Variants in EPDR1 observed in about 807,000 individuals in gnomAD.
EPDR1 encodes the protein mammalian ependymin-related protein 1.
EPDR1 carries 27 observed loss-of-function variants against 23.7 expected under a neutral mutation model. The ratio of observed to expected loss-of-function variants is 1.14; its 90% CI spans 0.84 to 1.57. The LOEUF (loss-of-function observed/expected upper bound fraction) is 1.57, where lower values mean the gene tolerates loss of function less well. Ranked by LOEUF, EPDR1 falls within the 40% of genes most tolerant of loss-of-function variation. The probability of loss-of-function intolerance (pLI) is 0.00; values close to 1 mark genes in which losing one functional copy is unlikely to be tolerated. For synonymous variants in EPDR1, 137 were observed against 118.2 expected (o/e 1.16, Z -1.03); for missense variants, 349 against 290.4 (o/e 1.20, Z -1.47).
intron 1 of EPDR1, among the ~76,000 whole-genome samples, chr7:37,944,523 A>T (rs1474421323): frequency 1.3e-5 from 2 of 152,232 alleles, no homozygotes; most frequent in African/African-American, 4.8e-5. Context: ...TAATTTATAA[A>T]GGAAAGAGGC....
intron 1 of EPDR1, among the ~76,000 whole-genome samples, chr7:37,944,105 A>C (rs1014068118): frequency 2.0e-5 from 3 of 152,206 alleles, no homozygotes; most frequent in African/African-American, 7.2e-5. Context: ...AAAATGAAGG[A>C]AAGTTTATTA....
At chr7:37,934,043 C>G (rs1785999041) in intron 1 of EPDR1, among the ~76,000 whole-genome samples, 1 of 146,990 alleles carries the variant, frequency 6.8e-6, no homozygotes, top group African/African-American at 2.5e-5. Flanking sequence ...GTGGCGTGAT[C>G]TCAGCTCACT....
rs1786374473 is a variant in EPDR1, at chr7:37,950,338, C to T, written c.617C>T (p.Pro206Leu). 2 of 1,613,886 alleles carry T rather than the reference C, an allele frequency of 1.2e-6. No individual in the cohort carries two copies. The highest frequency in any genetic ancestry group is 4.5e-5 in the East Asian group (2 of 44,858). The change falls in exon 3 of 3, where the codon CCT becomes CTT. Residue 206 changes from proline (P) to leucine (L), a missense_variant. Physicochemically the swap from Pro to Leu is moderately conservative, Grantham distance 98 (BLOSUM62 -3). Transcript: ENST00000199448. Reference protein sequence around the residue: ...LGIKDPSVFTPPSTCQMAQLE... With the variant: ...LGIKDPSVFTLPSTCQMAQLE... ...ATTAAAGACCCCTCGGTGTTTACCCCTCCAAGCACGTGCCAGATGGCCCAA... is the reference window on the plus strand; with the variant it reads ...ATTAAAGACCCCTCGGTGTTTACCCTTCCAAGCACGTGCCAGATGGCCCAA...
chr7:37,927,849 C>G (rs146636074), intron 1 of EPDR1, among the ~76,000 whole-genome samples: 15 of 152,296 alleles, frequency 9.8e-5, no homozygotes, highest in African/African-American at 3.6e-4. Context: ...ATAGCATATT[C>G]TTTTGTGAGC....
rs923904012 is a variant in EPDR1, at chr7:37,944,687, C to T, written c.270-4153C>T. On this transcript the variant is annotated intron_variant, in intron 1 of 2. Coordinates refer to ENST00000199448, the MANE Select transcript of EPDR1 (RefSeq NM_017549.5). ...CCAGAAGAAAAGCATGGGAAAGAAC[C>T]GTGCCCATTATTCAATTACCTCCCC... 5.9e-5 allele frequency among the ~76,000 whole-genome samples: 9 copies of T among 152,148 alleles called. 1 individual carries two copies. The highest frequency in any genetic ancestry group is 3.3e-4 in the Admixed American group (5 of 15,282).
At chr7:37,922,907 T>C (rs1485699410) in intron 1 of EPDR1, among the ~76,000 whole-genome samples, 1 of 152,080 alleles carries the variant, frequency 6.6e-6, no homozygotes, top group Non-Finnish European at 1.5e-5. Context: ...CTGGAGGAGC[T>C]GAAATGAGAG....
chr7:37,943,693 A>G (rs1786215700), intron 1 of EPDR1, among the ~76,000 whole-genome samples: 1 of 152,266 alleles, frequency 6.6e-6, no homozygotes, highest in African/African-American at 2.4e-5. Flanking sequence ...GATGATGTCT[A>G]CTTTTAAAAA....
At chr7:37,949,172 A>C (rs1786343232) in intron 2 of EPDR1, 124 bp downstream of exon 2, 2 of 832,294 alleles carry the variant, frequency 2.4e-6, no homozygotes, top group South Asian at 3.5e-5. Context: ...TAAAGCCTCC[A>C]CTTAGGTCTG....
Position 37,948,242 on chromosome 7 carries a change from G to A in EPDR1, c.270-598G>A, listed in dbSNP as rs112940823. 3.3e-3 allele frequency among the ~76,000 whole-genome samples: 499 copies of A among 152,160 alleles called. 1 individual carries two copies. Among genetic ancestry groups the A allele is most frequent in the African/African-American group, 0.011 (474 of 41,496 alleles). On this transcript the variant is annotated intron_variant, in intron 1 of 2. Transcript: ENST00000199448. ...AAGTTCACAAACCAGCTCTTCAGCC[G>A]GAGCCATATCTTCCCCATGTTTGTA...
intron 1 of EPDR1, among the ~76,000 whole-genome samples, chr7:37,924,980 G>A (rs1275226699): frequency 6.6e-6 from 1 of 152,144 alleles, no homozygotes; most frequent in Non-Finnish European, 1.5e-5. Context: ...TAGTTACTGT[G>A]GAATGACTAG....
chr7:37,928,800 C>T (rs1376263), intron 1 of EPDR1, among the ~76,000 whole-genome samples: 39,518 of 151,962 alleles, frequency 0.26, 6,251 homozygotes, highest in Non-Finnish European at 0.36. Context: ...CCTACCTATA[C>T]CCTAATTTTG....
intron 2 of EPDR1, 72 bp from the exon 3 acceptor site, chr7:37,950,128 A>G: frequency 1.7e-6 from 2 of 1,148,140 alleles, no homozygotes; most frequent in Admixed American, 2.4e-5. Flanking sequence ...TGTACATTTT[A>G]CCACCATAAG....
intron 2 of EPDR1, among the ~76,000 whole-genome samples, chr7:37,949,900 G>T (rs1220031665): frequency 6.6e-6 from 1 of 152,196 alleles, no homozygotes; most frequent in Non-Finnish European, 1.5e-5. Flanking sequence ...CTTACATGAG[G>T]TATGTAGAGT....
intron 1 of EPDR1, among the ~76,000 whole-genome samples, chr7:37,931,387 G>A (rs183566815): frequency 9.3e-4 from 142 of 152,134 alleles, no homozygotes; most frequent in African/African-American, 2.7e-3. Context: ...GGTGGCATGC[G>A]CCTGTAATCC....
rs920986666 is a variant in EPDR1, at chr7:37,949,055, G to C, written c.478+7G>C. ...AGAAAGTCAGCTAGATCCTGTAAGGGTTCAAAGAATCTAAGCATTGTATTC... is the reference window on the plus strand; with the variant it reads ...AGAAAGTCAGCTAGATCCTGTAAGGCTTCAAAGAATCTAAGCATTGTATTC... On this transcript the variant is annotated splice_region_variant and intron_variant, in intron 2 of 2. Coordinates refer to ENST00000199448, the MANE Select transcript of EPDR1 (RefSeq NM_017549.5). 1.9e-6 allele frequency: 3 copies of C among 1,613,286 alleles called. No individual in the cohort carries two copies. The highest frequency in any genetic ancestry group is 3.3e-5 in the Admixed American group (2 of 60,002).
intron 1 of EPDR1, among the ~76,000 whole-genome samples, chr7:37,927,434 C>T (rs561208045): frequency 6.6e-6 from 1 of 152,220 alleles, no homozygotes; most frequent in Admixed American, 6.5e-5. Flanking sequence ...AACTGGCTTA[C>T]TATTCAATTG....
At chr7:37,950,135 T>C in intron 2 of EPDR1, 65 bp from the exon 3 acceptor site, 1 of 1,237,820 alleles carries the variant, frequency 8.1e-7, no homozygotes, top group Non-Finnish European at 1.1e-6. Flanking sequence ...TTTACCACCA[T>C]AAGAAAAAAT....
At chr7:37,927,341 T>A (rs1018597020) in intron 1 of EPDR1, among the ~76,000 whole-genome samples, 3 of 152,196 alleles carry the variant, frequency 2.0e-5, no homozygotes, top group African/African-American at 7.2e-5. Context: ...AACTGATGCC[T>A]TCATTCTAAT....
intron 1 of EPDR1, among the ~76,000 whole-genome samples, chr7:37,925,543 G>C (rs1387651979): frequency 6.6e-6 from 1 of 152,208 alleles, no homozygotes; most frequent in African/African-American, 2.4e-5. Context: ...ATTTCTTGGA[G>C]AAGAGAATAG....
Sources: allele counts gnomAD v4.1 joint callset (sites outside exome capture counted in the v4.1 genomes callset), GRCh38; gene constraint gnomAD v4.1.1; transcripts MANE v1.5; gene names NCBI Gene and HGNC (gene_info 2026-07-23, HGNC 2026-07-21).